Variants in ADGB observed in about 807,000 individuals in gnomAD.
The protein encoded by ADGB is androglobin.
In ADGB, 172 loss-of-function variants were observed where a neutral mutation model predicts 210.5. The observed-to-expected ratio is 0.82, with a 90% CI of 0.72 to 0.93. The LOEUF (loss-of-function observed/expected upper bound fraction) is 0.93. Ranked by LOEUF, ADGB falls within the 40% of genes least tolerant of loss-of-function variation. The pLI is 0.00. For missense variants in ADGB, 2,025 were observed against 1,964.8 expected (o/e 1.03, Z -0.58); for synonymous variants, 658 against 662.7 (o/e 0.99, Z 0.11).
At chr6:146,621,707 C>CT (rs1268703914) in intron 1 of ADGB, among the ~76,000 whole-genome samples, 1 of 152,032 alleles carries the variant, frequency 6.6e-6, no homozygotes, top group Admixed American at 6.6e-5. Flanking sequence ...AGTGATGATG[C>CT]TTAGGATCTT....
At chr6:146,634,763 C>A (rs1045430109) in intron 1 of ADGB, among the ~76,000 whole-genome samples, 1 of 151,876 alleles carries the variant, frequency 6.6e-6, no homozygotes, top group African/African-American at 2.4e-5. Flanking sequence ...ATAAGAACAA[C>A]CACCATAGTC....
intron 20 of ADGB, among the ~76,000 whole-genome samples, chr6:146,731,248 C>G (rs1302730645): frequency 6.6e-6 from 1 of 151,964 alleles, no homozygotes; most frequent in Non-Finnish European, 1.5e-5. Context: ...ACCTGTAGAA[C>G]AAGTCTGATA....
At chr6:146,812,140 ATTAT>A (rs1462608178) in intron 35 of ADGB, among the ~76,000 whole-genome samples, 1 of 152,054 alleles carries the variant, frequency 6.6e-6, no homozygotes, top group Non-Finnish European at 1.5e-5. Flanking sequence ...CTGTCTAAGT[ATTAT>A]TTGTTTCATT....
intron 17 of ADGB, among the ~76,000 whole-genome samples, chr6:146,722,034 T>C (rs1398660545): frequency 6.6e-6 from 1 of 152,062 alleles, no homozygotes; most frequent in African/African-American, 2.4e-5. Context: ...GTTCACCTTT[T>C]TGGTGTACTC....
intron 1 of ADGB, among the ~76,000 whole-genome samples, chr6:146,629,968 G>A (rs1223070402): frequency 6.6e-6 from 1 of 152,202 alleles, no homozygotes; most frequent in Non-Finnish European, 1.5e-5. Context: ...TAGGCACTGT[G>A]GCTCGTGCCT....
Position 146,815,043 on chromosome 6 carries a change from T to A in ADGB, c.4830T>A (p.Asp1610Glu). The A allele has an allele frequency of 6.5e-7, 1 of 1,544,762 alleles. No homozygotes were observed. The highest frequency in any genetic ancestry group is 8.7e-7 in the Non-Finnish European group (1 of 1,145,426). The change falls in exon 36 of 36, where the codon GAT becomes GAA. Residue 1610 changes from aspartate to glutamate, a missense_variant. Transcript: ENST00000397944. Reference sequence around the variant, plus strand: ...TTGCTTTGGAACAGGACTCCTTAGATGAAGCCCGACAGAAAATTTTCGACA... The same window carrying A: ...TTGCTTTGGAACAGGACTCCTTAGAAGAAGCCCGACAGAAAATTTTCGACA... ...DMYKEMQDSL[D>E]EARQKIFDIR...
chr6:146,764,888 C>T (rs540719281), intron 28 of ADGB, among the ~76,000 whole-genome samples: 39 of 152,174 alleles, frequency 2.6e-4, no homozygotes, highest in African/African-American at 8.7e-4. Context: ...CAACCTCTGC[C>T]TCCTGGGTTC....
At chr6:146,781,977 G>GT (rs1777806920) in intron 29 of ADGB, 43 bp from the exon 30 acceptor site, 2 of 1,359,018 alleles carry the variant, frequency 1.5e-6, no homozygotes, top group Non-Finnish European at 1.9e-6. Flanking sequence ...CCATTTTATT[G>GT]TTATATTATG....
Position 146,635,511 on chromosome 6 carries a change from G to A in ADGB, c.211G>A (p.Asp71Asn), listed in dbSNP as rs564552990. Residue 71 changes from aspartate to asparagine, a missense_variant, in exon 2 of 36, where the codon GAC (aspartate) becomes AAC (asparagine). By Grantham distance (23) the Asp-to-Asn change is conservative. Transcript: ENST00000397944. ...TGCAGGCAAAGGTGCAAAAGAAAAG[G>A]ACAAAACAGGAAAAAGCCCTGTATT... ...WDAGKGAKEK[D>N]KTGKSPVFHF... The A allele has an allele frequency of 1.3e-6, 2 of 1,544,382 alleles. No homozygotes were observed. The highest frequency in any genetic ancestry group is 1.2e-5 in the South Asian group (1 of 82,914).
intron 20 of ADGB, among the ~76,000 whole-genome samples, chr6:146,730,162 T>C (rs933888501): frequency 2.6e-5 from 4 of 152,198 alleles, no homozygotes; most frequent in African/African-American, 9.6e-5. Context: ...AAATTACTTA[T>C]ATAAAAATTT....
intron 2 of ADGB, among the ~76,000 whole-genome samples, chr6:146,635,757 A>G (rs954366041): frequency 6.6e-6 from 1 of 152,016 alleles, no homozygotes; most frequent in Non-Finnish European, 1.5e-5. Flanking sequence ...ATTGGAAGAA[A>G]GAGATATGAC....
At chr6:146,729,116 C>G (rs1002571727) in intron 20 of ADGB, among the ~76,000 whole-genome samples, 2 of 152,166 alleles carry the variant, frequency 1.3e-5, no homozygotes, top group African/African-American at 2.4e-5. Context: ...CTTCCTCACA[C>G]TTACAACGTG....
At chr6:146,762,156 T>TGG (rs1554252142) in intron 27 of ADGB, among the ~76,000 whole-genome samples, 86 of 151,676 alleles carry the variant, frequency 5.7e-4, no homozygotes, top group Admixed American at 2.5e-3. Context: ...CATATTTTTT[T>TGG]GGGGGGGTCA....
intron 1 of ADGB, among the ~76,000 whole-genome samples, chr6:146,614,142 C>T (rs1400281988): frequency 6.6e-6 from 1 of 151,734 alleles, no homozygotes; most frequent in Non-Finnish European, 1.5e-5. Context: ...TTTGTAATTT[C>T]CTGAAGTTCC....
chr6:146,676,694 C>T (rs777430191), intron 9 of ADGB, among the ~76,000 whole-genome samples: 27 of 152,194 alleles, frequency 1.8e-4, no homozygotes, highest in South Asian at 1.2e-3. Context: ...TTCTGCTGGT[C>T]GCTTTCAGGT....
In ADGB at chr6:146,656,912, A is replaced by G; in HGVS notation, c.544A>G (p.Lys182Glu). 1 of 1,551,672 alleles carries G rather than the reference A, an allele frequency of 6.4e-7. No homozygotes were observed. The highest frequency in any genetic ancestry group is 8.7e-7 in the Non-Finnish European group (1 of 1,146,918). The change falls in exon 5 of 36, where the codon AAG becomes GAG. Residue 182 changes from lysine to glutamate, a missense_variant. Transcript: ENST00000397944. ...KPWEHIYSLC[K>E]AVKGHMPLFN... ...CTGGGAACACATATACTCTCTGTGCAAGGCTGTGAAGGGTCATATGCCTTT... is the reference window on the plus strand; with the variant it reads ...CTGGGAACACATATACTCTCTGTGCGAGGCTGTGAAGGGTCATATGCCTTT...
At chr6:146,786,698 T>C (rs2114649192) in intron 32 of ADGB, among the ~76,000 whole-genome samples, 1 of 152,326 alleles carries the variant, frequency 6.6e-6, no homozygotes, top group Non-Finnish European at 1.5e-5. Context: ...AGTTGGGATC[T>C]GAAATATTTC....
At chr6:146,732,079 G>A (rs1380657988) in intron 20 of ADGB, among the ~76,000 whole-genome samples, 1 of 152,100 alleles carries the variant, frequency 6.6e-6, no homozygotes, top group Non-Finnish European at 1.5e-5. Flanking sequence ...CAATCTACCA[G>A]GAATTTTATC....
intron 35 of ADGB, among the ~76,000 whole-genome samples, chr6:146,809,953 C>A (rs1472882038): frequency 6.6e-6 from 1 of 151,512 alleles, no homozygotes; most frequent in Admixed American, 6.6e-5. Flanking sequence ...CAAACATAAA[C>A]AAGTAGGACT....
Sources: allele counts gnomAD v4.1 joint callset (sites outside exome capture counted in the v4.1 genomes callset), GRCh38; gene constraint gnomAD v4.1.1; transcripts MANE v1.5; gene names NCBI Gene and HGNC (gene_info 2026-07-23, HGNC 2026-07-21).